SS18: variants seen among roughly 807,000 people sequenced by gnomAD.
SS18 encodes the protein SS18 subunit of BAF chromatin remodeling complex, also known as protein SSXT.
A neutral mutation model predicts 72.5 loss-of-function variants in SS18; 28 were observed. The observed-to-expected ratio is 0.39, with a 90% confidence interval of 0.29 to 0.53. The LOEUF is 0.53. SS18 is among the 20% of genes least tolerant of loss of function. The pLI is 0.76. For missense variants in SS18, 518 were observed against 535.3 expected (o/e 0.97, Z 0.32); for synonymous variants, 172 against 164.2 (o/e 1.05, Z -0.37).
In SS18 at chr18:26,032,496, T is replaced by C. The variant is rs769458598; in HGVS notation, c.1133A>G (p.Asn378Ser). ...CTGCTGACCTTGTCCCTGTGGGTAG[T>C]TAGGATACTGAGGACCTGGACCACC... ...SQGGPGPQYP[N>S]YPQGQGQQYG... The change falls in exon 10 of 11, where the codon AAC (asparagine) becomes AGC (serine). Residue 378 changes from asparagine to serine, a missense_variant. Asn to Ser is a conservative substitution (Grantham distance 46, BLOSUM62 1). Transcript: ENST00000415083. 1 of 1,613,782 alleles carries C rather than the reference T, an allele frequency of 6.2e-7. No homozygotes were observed. Among genetic ancestry groups the C allele is most frequent in the Non-Finnish European group, 8.5e-7 (1 of 1,179,818 alleles).
At chr18:26,060,817 G>A (rs931924711) in intron 3 of SS18, among the ~76,000 whole-genome samples, 28 of 137,500 alleles carry the variant, frequency 2.0e-4, no homozygotes, top group African/African-American at 6.4e-4. Flanking sequence ...TCAGCCAGGC[G>A]CAGTGGCACG....
At chr18:26,028,039 C>T in intron 10 of SS18, among the ~76,000 whole-genome samples, 1 of 151,788 alleles carries the variant, frequency 6.6e-6, no homozygotes, top group East Asian at 1.9e-4. Context: ...AAAATATGTG[C>T]AAATGATACC....
At chr18:26,075,136 T>C (rs1332330730) in intron 3 of SS18, among the ~76,000 whole-genome samples, 2 of 151,922 alleles carry the variant, frequency 1.3e-5, no homozygotes, top group African/African-American at 2.4e-5. Flanking sequence ...TTCTAAAGAA[T>C]TGTACCAATC....
intron 3 of SS18, among the ~76,000 whole-genome samples, chr18:26,076,058 G>C (rs1002089101): frequency 1.3e-5 from 2 of 151,832 alleles, no homozygotes; most frequent in African/African-American, 4.8e-5. Flanking sequence ...TTCATTGACA[G>C]ACATTAAAGA....
chr18:26,049,539 G>A (rs1366795262), intron 5 of SS18, among the ~76,000 whole-genome samples: 1 of 152,086 alleles, frequency 6.6e-6, no homozygotes, highest in East Asian at 1.9e-4. Context: ...TTTAGAGACG[G>A]TCTTGCTCTG....
intron 2 of SS18, among the ~76,000 whole-genome samples, chr18:26,082,075 A>C (rs1230614361): frequency 3.3e-5 from 5 of 152,276 alleles, no homozygotes; most frequent in East Asian, 1.9e-4. Flanking sequence ...CAAAACAAAA[A>C]AAAAGAGTAT....
chr18:26,050,567 A>C (rs2053903916), intron 5 of SS18, among the ~76,000 whole-genome samples: 2 of 152,144 alleles, frequency 1.3e-5, no homozygotes, highest in South Asian at 4.1e-4. Flanking sequence ...TTTTATAAGA[A>C]ACTCATATGA....
Position 26,025,522 on chromosome 18 carries a change from TGA to T in SS18, c.1230+6875_1230+6876del, listed in dbSNP as rs2053430463. ...AGACACAAATTATTAATATCAGAAA[TGA>T]GAGAGGTAATATCACTACAGATTAT... On this transcript the variant is annotated intron_variant, in intron 10 of 10. Transcript: ENST00000415083. Among the ~76,000 whole-genome samples, 7 of 151,796 alleles carry T rather than the reference TGA, an allele frequency of 4.6e-5. No individual in the cohort carries two copies. The South Asian group carries it at 1.5e-3, about 32-fold the overall frequency.
intron 3 of SS18, among the ~76,000 whole-genome samples, chr18:26,072,340 T>C (rs1371340869): frequency 6.8e-6 from 1 of 147,010 alleles, no homozygotes; most frequent in Non-Finnish European, 1.5e-5. Context: ...AGCACTTTGA[T>C]TGCTAGACTG....
chr18:26,070,382 A>G (rs1387532753), intron 3 of SS18, among the ~76,000 whole-genome samples: 1 of 152,166 alleles, frequency 6.6e-6, no homozygotes, highest in Non-Finnish European at 1.5e-5. Flanking sequence ...GTCAGGTAAC[A>G]CTGCATGTAT....
At chr18:26,090,473 T>C (rs1312844091) in intron 1 of SS18, 28 bp downstream of exon 1, 1 of 1,553,060 alleles carries the variant, frequency 6.4e-7, no homozygotes, top group East Asian at 2.4e-5. Flanking sequence ...GGTAAGGGCC[T>C]GGCATCCGCA....
intron 3 of SS18, among the ~76,000 whole-genome samples, chr18:26,065,823 A>ATATATATATATATATATATT (rs1283039516): frequency 7.0e-6 from 1 of 143,308 alleles, no homozygotes; most frequent in African/African-American, 2.5e-5. Flanking sequence ...ATATATATAT[A>ATATATATATATATATATATT]TGATCATTTT....
chr18:26,080,388 C>A (rs1000710764), intron 2 of SS18: 3 of 985,274 alleles, frequency 3.0e-6, no homozygotes, highest in Non-Finnish European at 3.6e-6. Flanking sequence ...GGACCACTGA[C>A]CAAACCATAC....
chr18:26,060,565 T>TA (rs146247132), intron 3 of SS18, among the ~76,000 whole-genome samples: 14,072 of 151,262 alleles, frequency 0.093, 980 homozygotes, highest in African/African-American at 0.17. Context: ...GTATCTCAAT[T>TA]AAAAAAAGAA....
chr18:26,085,723 A>C (rs1193101093), intron 2 of SS18, among the ~76,000 whole-genome samples: 1 of 152,238 alleles, frequency 6.6e-6, no homozygotes, highest in Non-Finnish European at 1.5e-5. Flanking sequence ...TTATCTCCAC[A>C]AACTTATACT....
intron 10 of SS18, among the ~76,000 whole-genome samples, chr18:26,020,854 G>T (rs1023694831): frequency 6.6e-6 from 1 of 152,108 alleles, no homozygotes; most frequent in Non-Finnish European, 1.5e-5. Flanking sequence ...AGAAATAGCT[G>T]AAACAAAGGC....
chr18:26,075,787 A>C (rs972123055), intron 3 of SS18, among the ~76,000 whole-genome samples: 1 of 151,956 alleles, frequency 6.6e-6, no homozygotes, highest in African/African-American at 2.4e-5. Flanking sequence ...GAAAGAAACA[A>C]AACTGATTAT....
rs75109386 is a variant in SS18 at position 26,051,211 on chromosome 18, G to T, written c.607+1413C>A. On this transcript the variant is annotated intron_variant, in intron 5 of 10. Transcript: ENST00000415083. ...TACAAAAAATAAAAATAAAAAAGAA[G>T]AAATTTATAACTATGAGAACAAGGC... Among the ~76,000 whole-genome samples the T allele has an allele frequency of 4.3e-3, 657 of 152,060 alleles. 4 individuals carry two copies. The highest frequency in any genetic ancestry group is 0.014 in the African/African-American group (591 of 41,514).
At chr18:26,039,747 G>GAAT (rs2053691747) in intron 5 of SS18, among the ~76,000 whole-genome samples, 2 of 152,108 alleles carry the variant, frequency 1.3e-5, no homozygotes, top group Admixed American at 1.3e-4. Context: ...TCCTGAATGT[G>GAAT]TGTATTTTCC....
Sources: allele counts gnomAD v4.1 joint callset (sites outside exome capture counted in the v4.1 genomes callset), GRCh38; gene constraint gnomAD v4.1.1; transcripts MANE v1.5; gene names NCBI Gene and HGNC (gene_info 2026-07-23, HGNC 2026-07-21).